Variants in ZFHX3 observed in about 807,000 individuals in gnomAD.
ZFHX3 encodes zinc finger homeobox protein 3.
A neutral mutation model predicts 279.1 loss-of-function variants in ZFHX3; 42 were observed. The observed-to-expected ratio is 0.15, with a 90% CI of 0.12 to 0.19. The LOEUF is 0.19. Among genes scored for constraint, ZFHX3 ranks in the 10% least tolerant of loss-of-function variants. ZFHX3 has a pLI of 1.00. For synonymous variants in ZFHX3, 2,293 were observed against 1,957.8 expected (o/e 1.17, Z -4.52); for missense variants, 4,981 against 4,754.0 (o/e 1.05, Z -1.40).
intron 2 of ZFHX3, among the ~76,000 whole-genome samples, chr16:73,614,187 C>T (rs1021541934): frequency 6.6e-5 from 10 of 152,192 alleles, no homozygotes; most frequent in Non-Finnish European, 1.0e-4. Flanking sequence ...ACATTTCACA[C>T]GTGAACGTAT....
At chr16:72,920,076 A>G (rs1168226359) in intron 3 of ZFHX3, among the ~76,000 whole-genome samples, 1 of 151,918 alleles carries the variant, frequency 6.6e-6, no homozygotes, top group East Asian at 1.9e-4. Flanking sequence ...TACAGGCATG[A>G]GCTACTGCGC....
intron 1 of ZFHX3, among the ~76,000 whole-genome samples, chr16:73,789,198 T>G (rs1304723380): frequency 2.0e-5 from 3 of 152,060 alleles, no homozygotes; most frequent in Non-Finnish European, 4.4e-5. Flanking sequence ...TTATTTTTTT[T>G]GAGATGGAGT....
intron 2 of ZFHX3, among the ~76,000 whole-genome samples, chr16:73,550,766 A>G (rs888279225): frequency 1.3e-5 from 2 of 152,206 alleles, no homozygotes; most frequent in Non-Finnish European, 2.9e-5. Context: ...ATTGTTTCCC[A>G]GGGAAGTAGA....
At chr16:73,079,461 G>T (rs1293928110) in intron 8 of ZFHX3, among the ~76,000 whole-genome samples, 1 of 152,064 alleles carries the variant, frequency 6.6e-6, no homozygotes, top group Non-Finnish European at 1.5e-5. Flanking sequence ...GGAGGCAGAG[G>T]TTGGGACAGG....
chr16:73,632,528 A>C (rs890873697), intron 2 of ZFHX3, among the ~76,000 whole-genome samples: 3 of 151,966 alleles, frequency 2.0e-5, no homozygotes, highest in Admixed American at 2.0e-4. Flanking sequence ...TCTACTAAAA[A>C]TACAAAAATT....
At chr16:72,945,874 C>T (rs138409206) in intron 3 of ZFHX3, among the ~76,000 whole-genome samples, 61 of 152,162 alleles carry the variant, frequency 4.0e-4, no homozygotes, top group African/African-American at 1.4e-3. Context: ...GCACCACCTA[C>T]GGACGTAAAA....
intron 1 of ZFHX3, among the ~76,000 whole-genome samples, chr16:73,760,441 G>T (rs1278329745): frequency 6.6e-6 from 1 of 152,048 alleles, no homozygotes; most frequent in Non-Finnish European, 1.5e-5. Flanking sequence ...CATTTTATGA[G>T]GCCAGCATCA....
intron 1 of ZFHX3, among the ~76,000 whole-genome samples, chr16:73,775,398 C>T (rs1292602087): frequency 6.6e-6 from 1 of 152,158 alleles, no homozygotes; most frequent in Non-Finnish European, 1.5e-5. Flanking sequence ...CCCCACCTCC[C>T]TCAGCTGAGA....
chr16:73,243,936 G>C (rs921156601), intron 5 of ZFHX3, among the ~76,000 whole-genome samples: 64 of 152,362 alleles, frequency 4.2e-4, no homozygotes, highest in African/African-American at 1.4e-3. Flanking sequence ...AGAGATGGTA[G>C]AGAATGCCGG....
At chr16:73,509,813 A>T (rs1831637156) in intron 2 of ZFHX3, among the ~76,000 whole-genome samples, 1 of 150,974 alleles carries the variant, frequency 6.6e-6, no homozygotes, top group South Asian at 2.1e-4. Context: ...CTCCTGCCTC[A>T]GCCTCCCGAG....
intron 2 of ZFHX3, among the ~76,000 whole-genome samples, chr16:72,955,726 C>T (rs1322754858): frequency 2.9e-5 from 4 of 137,324 alleles, no homozygotes; most frequent in East Asian, 4.3e-4. Context: ...TGCAGTGAGC[C>T]GAGACGGCAC....
chr16:73,026,682 A>G (rs934826859), intron 1 of ZFHX3, among the ~76,000 whole-genome samples: 3 of 151,582 alleles, frequency 2.0e-5, no homozygotes, highest in Non-Finnish European at 4.4e-5. Flanking sequence ...TCAAAAAAAA[A>G]AAAAAAAAAA....
chr16:73,823,129 G>C (rs1567422140), intron 1 of ZFHX3, among the ~76,000 whole-genome samples: 1 of 152,120 alleles, frequency 6.6e-6, no homozygotes, highest in Admixed American at 6.5e-5. Context: ...TTGAGCCAAG[G>C]TCTACGACGT....
chr16:73,811,326 TA>T (rs1236345559), intron 1 of ZFHX3, among the ~76,000 whole-genome samples: 2 of 152,140 alleles, frequency 1.3e-5, no homozygotes, highest in Admixed American at 6.5e-5. Context: ...CTGGGTGATC[TA>T]AAACTCTAAA....
intron 5 of ZFHX3, among the ~76,000 whole-genome samples, chr16:73,239,693 G>A (rs937076142): frequency 7.2e-5 from 11 of 152,150 alleles, no homozygotes; most frequent in African/African-American, 2.7e-4. Context: ...ACAGAAGAAG[G>A]AACGGGGATG....
At chr16:72,833,775 G>C (rs2037120853) in intron 4 of ZFHX3, among the ~76,000 whole-genome samples, 1 of 152,088 alleles carries the variant, frequency 6.6e-6, no homozygotes, top group Non-Finnish European at 1.5e-5. Flanking sequence ...ACCAGAGAAG[G>C]TGTCTCTAAA....
At chr16:72,908,448 G>A (rs548315505) in intron 3 of ZFHX3, among the ~76,000 whole-genome samples, 1 of 152,316 alleles carries the variant, frequency 6.6e-6, no homozygotes, top group South Asian at 2.1e-4. Context: ...GTGGAAAGGG[G>A]AACTTGAAGA....
chr16:73,082,035 C>G (rs1273630708), intron 8 of ZFHX3, among the ~76,000 whole-genome samples: 10 of 151,934 alleles, frequency 6.6e-5, no homozygotes. Flanking sequence ...CGGGGTTTCA[C>G]CATGTTGGCC....
intron 1 of ZFHX3, among the ~76,000 whole-genome samples, chr16:73,704,729 G>C (rs1261605116): frequency 4.6e-5 from 7 of 152,210 alleles, no homozygotes; most frequent in Admixed American, 4.6e-4. Context: ...GGGAGAGTGA[G>C]CCAGAGGAGC....
Sources: gnomAD v4.1 joint callset for allele counts (sites outside exome capture counted in the v4.1 genomes callset) on GRCh38, gnomAD v4.1.1 for gene constraint, MANE v1.5 for transcripts, NCBI Gene and HGNC (gene_info 2026-07-23, HGNC 2026-07-21) for gene names.